The following BIRC6 variants were observed in gnomAD, a reference collection of about 807,000 sequenced individuals.
BIRC6 encodes the protein dual E2 ubiquitin-conjugating enzyme/E3 ubiquitin-protein ligase BIRC6.
In BIRC6, 98 loss-of-function variants were observed where a neutral mutation model predicts 503.3. The ratio of observed to expected loss-of-function variants is 0.19; its 90% confidence interval spans 0.17 to 0.23. BIRC6 has a LOEUF of 0.23. BIRC6 is among the 10% of genes least tolerant of loss of function. BIRC6 has a pLI of 1.00. For synonymous variants in BIRC6, 2,240 were observed against 2,078.7 expected, an observed-to-expected ratio of 1.08 and a Z score of -2.11; for missense variants, 5,360 against 5,806.0, an observed-to-expected ratio of 0.92 and a Z score of 2.50.
intron 6 of BIRC6, among the ~76,000 whole-genome samples, chr2:32,398,460 T>C (rs906745125): frequency 2.0e-5 from 3 of 152,198 alleles, no homozygotes; most frequent in African/African-American, 4.8e-5. Flanking sequence ...TGGTAGATGA[T>C]TGGATACATG....
chr2:32,513,108 C>T lies in BIRC6; in HGVS notation c.10522C>T (p.Leu3508Phe). The T allele has an allele frequency of 6.2e-7, 1 of 1,613,818 alleles. No homozygotes were observed. Among genetic ancestry groups the T allele is most frequent in the Non-Finnish European group, 8.5e-7 (1 of 1,179,840 alleles). Residue 3508 changes from leucine to phenylalanine, a missense_variant, in exon 54 of 74, where the codon CTT becomes TTT. Physicochemically the swap from Leu to Phe is conservative, Grantham distance 22. Coordinates refer to ENST00000421745, the MANE Select transcript of BIRC6 (RefSeq NM_016252.4). ...AAILWHSYEL[L>F]VEYDLPALLD... ...CATTCTGTGGCATAGTTATGAGCTG[C>T]TTGTAGAATATGACTTACCAGCACT...
intron 66 of BIRC6, chr2:32,590,710 T>A (rs548655580): frequency 2.3e-4 from 199 of 867,270 alleles, no homozygotes; most frequent in Non-Finnish European, 2.6e-4. Flanking sequence ...TTTAACTAAT[T>A]AGCTATTTAG....
At position 32,460,265 on chromosome 2, in the gene BIRC6, TATATA is replaced by T. The variant is rs1245064813; in HGVS notation, c.4754-2928_4754-2924del. On this transcript the variant is annotated intron_variant, in intron 23 of 73. Transcript: ENST00000421745. ...TATATGATATATATATATATATATATATATATATTTTTTTTTTTTTTTTTTTTTTT... is the reference window on the plus strand; with the variant it reads ...TATATGATATATATATATATATATATTATTTTTTTTTTTTTTTTTTTTTTT... Among the ~76,000 whole-genome samples, 39 of 37,868 alleles carry T rather than the reference TATATA, an allele frequency of 1.0e-3. 1 individual carries two copies. The East Asian group carries it at 0.014, about 13-fold the overall frequency. The allele number at this position is 37,868 out of a possible 152,430, so 24.8% of individuals were successfully genotyped here. A position where few individuals can be genotyped will look rare whatever the true frequency, so the allele number is the denominator to read the frequency against.
At chr2:32,417,529 A>G (rs1389209218) in intron 10 of BIRC6, among the ~76,000 whole-genome samples, 2 of 152,160 alleles carry the variant, frequency 1.3e-5, no homozygotes, top group Non-Finnish European at 2.9e-5. Flanking sequence ...CAAAATGAAT[A>G]GTTCTATTGA....
At chr2:32,449,100 C>T (rs577916236) in intron 22 of BIRC6, 172 bp downstream of exon 22, 6 of 573,602 alleles carry the variant, frequency 1.0e-5, no homozygotes, top group Non-Finnish European at 1.7e-5. Flanking sequence ...CTTCCTCTTT[C>T]CCTCTGAAGA....
Position 32,485,686 on chromosome 2 carries a change from A to C in BIRC6, c.7740A>C (p.Glu2580Asp). ...AAGTTGGACTTGAACAGCAAGCAGA[A>C]CTGATGTTGAAAATGATGTCTACTC... The part of the protein sequence containing the change: ...RLEVGLEQQA[E>D]LMLKMMSTLE... The change falls in exon 40 of 74, where the codon GAA becomes GAC. Residue 2580 changes from glutamate to aspartate, a missense_variant. Around this residue, in one of 16 missense-constraint regions of BIRC6, gnomAD observed 2,299 missense variants for 2,267.2 expected, o/e 1.01. Coordinates refer to ENST00000421745, the MANE Select transcript of BIRC6 (RefSeq NM_016252.4). 1 of 1,613,728 alleles carries C rather than the reference A, an allele frequency of 6.2e-7. No homozygotes were observed.
At chr2:32,475,476 A>G (rs1375575338) in intron 33 of BIRC6, among the ~76,000 whole-genome samples, 1 of 152,138 alleles carries the variant, frequency 6.6e-6, no homozygotes, top group Non-Finnish European at 1.5e-5. Flanking sequence ...TTATAAAAGG[A>G]TATGAGGGAA....
At chr2:32,582,095 G>A (rs1173413156) in intron 66 of BIRC6, among the ~76,000 whole-genome samples, 2 of 152,130 alleles carry the variant, frequency 1.3e-5, no homozygotes, top group Non-Finnish European at 1.5e-5. Context: ...CTGACCTCAA[G>A]TGATCTGCCC....
chr2:32,521,446 T>C (rs1308279975), intron 57 of BIRC6, among the ~76,000 whole-genome samples: 1 of 149,400 alleles, frequency 6.7e-6, no homozygotes, highest in Non-Finnish European at 1.5e-5. Flanking sequence ...TGACCTATTA[T>C]TTTTTCTCTC....
At chr2:32,476,505 T>C (rs920106826) in intron 34 of BIRC6, among the ~76,000 whole-genome samples, 161 bp downstream of exon 34, 13 of 152,260 alleles carry the variant, frequency 8.5e-5, no homozygotes, top group African/African-American at 3.1e-4. Flanking sequence ...AGGAAATGTA[T>C]GATAAATGTG....
At chr2:32,495,728 C>T (rs1463012741) in intron 45 of BIRC6, among the ~76,000 whole-genome samples, 1 of 146,054 alleles carries the variant, frequency 6.8e-6, no homozygotes, top group Non-Finnish European at 1.5e-5. Context: ...ATGTTTTCTT[C>T]TAGAAATTTT....
intron 10 of BIRC6, among the ~76,000 whole-genome samples, chr2:32,419,338 G>A (rs955603877): frequency 3.3e-5 from 5 of 152,016 alleles, no homozygotes; most frequent in Non-Finnish European, 7.4e-5. Flanking sequence ...GTTAATATAT[G>A]TTTTAAGTTA....
At chr2:32,501,441 T>C (rs555772292) in intron 46 of BIRC6, among the ~76,000 whole-genome samples, 2 of 152,362 alleles carry the variant, frequency 1.3e-5, no homozygotes, top group South Asian at 2.1e-4. Flanking sequence ...TTGTCATTGA[T>C]ATTTTAATCT....
intron 65 of BIRC6, among the ~76,000 whole-genome samples, chr2:32,566,614 A>G (rs1039991098): frequency 1.3e-5 from 2 of 152,142 alleles, no homozygotes; most frequent in Non-Finnish European, 2.9e-5. Context: ...CCAGCCTTCC[A>G]AATCCTGGGA....
At chr2:32,592,042 G>C (rs556895464) in intron 66 of BIRC6, among the ~76,000 whole-genome samples, 13 of 152,306 alleles carry the variant, frequency 8.5e-5, no homozygotes, top group African/African-American at 3.1e-4. Context: ...TAATTTCATA[G>C]CTGTAAAAGA....
rs535965720 is a variant in BIRC6, at chr2:32,537,568, A to C, written c.12292-5673A>C. ...GAAAATTTTCTACAATTCTTCACCC[A>C]CCTCGCCCATCGCCTCTCAAAAATC... On this transcript the variant is annotated intron_variant, in intron 61 of 73. Transcript: ENST00000421745. Among the ~76,000 whole-genome samples the C allele has an allele frequency of 3.1e-4, 47 of 152,288 alleles. No homozygotes were observed. In the South Asian group the frequency reaches 9.1e-3, roughly 30 times the overall value.
intron 65 of BIRC6, among the ~76,000 whole-genome samples, chr2:32,566,722 T>C (rs962980042): frequency 6.6e-6 from 1 of 152,222 alleles, no homozygotes; most frequent in African/African-American, 2.4e-5. Context: ...TACCTGTTTA[T>C]TGAGACTATC....
chr2:32,558,261 TA>T (rs1205370244), intron 65 of BIRC6, among the ~76,000 whole-genome samples: 4 of 151,588 alleles, frequency 2.6e-5, no homozygotes, highest in Non-Finnish European at 5.9e-5. Flanking sequence ...CTTAGATACT[TA>T]AAAATTTTTA....
intron 10 of BIRC6, among the ~76,000 whole-genome samples, chr2:32,419,195 G>C (rs1317509765): frequency 6.6e-6 from 1 of 152,194 alleles, no homozygotes; most frequent in Non-Finnish European, 1.5e-5. Context: ...TAAAATGTAT[G>C]TACATGTATG....
Sources: allele counts gnomAD v4.1 joint callset (sites outside exome capture counted in the v4.1 genomes callset), GRCh38; gene constraint gnomAD v4.1.1; regional missense constraint gnomAD v4.1.1; transcripts MANE v1.5; gene names NCBI Gene and HGNC (gene_info 2026-07-23, HGNC 2026-07-21).